The following TAF2 variants were observed in gnomAD, a reference collection of about 807,000 sequenced individuals.
TAF2 encodes transcription initiation factor TFIID subunit 2.
In TAF2, 61 loss-of-function variants were observed where a neutral mutation model predicts 138.5. The observed-to-expected ratio is 0.44, with a 90% CI of 0.36 to 0.54. The LOEUF (loss-of-function observed/expected upper bound fraction) is 0.54. Among genes scored for constraint, TAF2 ranks in the 20% least tolerant of loss-of-function variants. The pLI, the probability that TAF2 is intolerant of heterozygous loss-of-function variation, is 0.00. For synonymous variants in TAF2, 475 were observed against 469.9 expected (o/e 1.01, Z -0.14); for missense variants, 1,090 against 1,427.9 (o/e 0.76, Z 3.81).
intron 1 of TAF2, 46 bp downstream of exon 1, chr8:119,832,436 T>C (rs1826520804): frequency 1.4e-5 from 22 of 1,586,126 alleles, no homozygotes; most frequent in Non-Finnish European, 1.6e-5. Flanking sequence ...ATATAATTAA[T>C]GGCAACAAAA....
Position 119,797,089 on chromosome 8 carries a change from T to C in TAF2, c.992A>G (p.His331Arg). Reference protein sequence around the residue: ...SMSIFSTNLLHSAMIIDETPL... With the variant: ...SMSIFSTNLLRSAMIIDETPL... The stretch of plus-strand genomic sequence containing the variant: ...TGTCTCATCTATAATCATGGCACTG[T>C]GTAAAAGATTTGTGCTGGAATTTAA... Residue 331 changes from histidine (H) to arginine (R), a missense_variant, in exon 8 of 26, where the codon CAC becomes CGC. Physicochemically the swap from His to Arg is conservative, Grantham distance 29 (BLOSUM62 0). Around this residue, in one of 3 missense-constraint regions of TAF2, gnomAD observed 504 missense variants for 680.9 expected, o/e 0.74. Transcript: ENST00000378164. The C allele has an allele frequency of 3.7e-6, 6 of 1,612,136 alleles. No homozygotes were observed. Among genetic ancestry groups the C allele is most frequent in the Non-Finnish European group, 5.1e-6 (6 of 1,178,500 alleles).
chr8:119,756,202 T>C, intron 21 of TAF2, 87 bp from the exon 22 acceptor site: 1 of 862,642 alleles, frequency 1.2e-6, no homozygotes. Flanking sequence ...TGAAAAATTA[T>C]CTGTAGTTCC....
intron 2 of TAF2, among the ~76,000 whole-genome samples, chr8:119,830,549 A>G (rs1826380676): frequency 6.6e-6 from 1 of 152,232 alleles, no homozygotes. Context: ...TAAGGTACAT[A>G]ACCTAGGGAA....
chr8:119,820,947 A>T (rs1209225303), intron 2 of TAF2, among the ~76,000 whole-genome samples: 1 of 152,238 alleles, frequency 6.6e-6, no homozygotes, highest in African/African-American at 2.4e-5. Flanking sequence ...CTGTCATCCA[A>T]TGACCATTCT....
At chr8:119,746,981 A>C in intron 22 of TAF2, 47 bp from the exon 23 acceptor site, 1 of 1,582,570 alleles carries the variant, frequency 6.3e-7, no homozygotes, top group Non-Finnish European at 8.7e-7. Context: ...ACATTGATTC[A>C]TACATTTTAA....
At chr8:119,774,157 C>CGAGACTCCA (rs1822052417) in intron 18 of TAF2, among the ~76,000 whole-genome samples, 2 of 150,700 alleles carry the variant, frequency 1.3e-5, no homozygotes, top group African/African-American at 4.9e-5. Flanking sequence ...GGGGACAGAG[C>CGAGACTCCA]GAGACTCCAT....
At chr8:119,775,170 A>G (rs553888337) in intron 18 of TAF2, among the ~76,000 whole-genome samples, 133 of 151,064 alleles carry the variant, frequency 8.8e-4, no homozygotes, top group African/African-American at 3.2e-3. Flanking sequence ...AATCTCAGCT[A>G]CTCAGGAGGC....
intron 3 of TAF2, among the ~76,000 whole-genome samples, chr8:119,807,367 AT>A (rs1824731960): frequency 6.6e-6 from 1 of 152,210 alleles, no homozygotes; most frequent in Admixed American, 6.5e-5. Context: ...TGGTTTTTAA[AT>A]TGTACTCCAT....
chr8:119,781,705 T>A (rs1298897489), intron 16 of TAF2, among the ~76,000 whole-genome samples: 1 of 152,046 alleles, frequency 6.6e-6, no homozygotes, highest in Admixed American at 6.5e-5. Flanking sequence ...TTCCTCTTTT[T>A]TTTTTTTGGA....
chr8:119,756,377 G>C (rs531016560), intron 21 of TAF2, among the ~76,000 whole-genome samples: 1 of 152,096 alleles, frequency 6.6e-6, no homozygotes, highest in Admixed American at 6.5e-5. Flanking sequence ...TGGTGGATTT[G>C]GTCTTTCTAA....
intron 6 of TAF2, among the ~76,000 whole-genome samples, chr8:119,799,665 C>T (rs1824104670): frequency 6.6e-6 from 1 of 152,082 alleles, no homozygotes; most frequent in Non-Finnish European, 1.5e-5. Flanking sequence ...GGGTATATAC[C>T]CAGTAATGGG....
At chr8:119,789,871 C>G in intron 11 of TAF2, 125 bp from the exon 12 acceptor site, 1 of 972,134 alleles carries the variant, frequency 1.0e-6, no homozygotes, top group Non-Finnish European at 1.5e-6. Context: ...CTATTTATTA[C>G]ACAGATTATT....
At chr8:119,817,097 T>C (rs1442973211) in intron 3 of TAF2, among the ~76,000 whole-genome samples, 1 of 152,198 alleles carries the variant, frequency 6.6e-6, no homozygotes, top group Admixed American at 6.5e-5. Context: ...TAAGTGGCCA[T>C]GGCCAACAGA....
intron 10 of TAF2, among the ~76,000 whole-genome samples, chr8:119,793,148 C>CT (rs1823559160): frequency 6.6e-6 from 1 of 151,882 alleles, no homozygotes; most frequent in Non-Finnish European, 1.5e-5. Context: ...ACTTCAGATA[C>CT]TTTATAATCA....
intron 18 of TAF2, among the ~76,000 whole-genome samples, chr8:119,769,302 G>A (rs544560073): frequency 7.9e-5 from 12 of 152,116 alleles, no homozygotes; most frequent in Non-Finnish European, 1.6e-4. Flanking sequence ...CCCTCAAGGT[G>A]GGAGGAGAGG....
At chr8:119,777,224 G>C (rs1255051943) in intron 18 of TAF2, among the ~76,000 whole-genome samples, 1 of 152,028 alleles carries the variant, frequency 6.6e-6, no homozygotes, top group East Asian at 1.9e-4. Context: ...CAAAAAGGGG[G>C]TCCTGGAACC....
At chr8:119,757,212 T>C (rs140267614) in intron 21 of TAF2, among the ~76,000 whole-genome samples, 2 of 152,298 alleles carry the variant, frequency 1.3e-5, no homozygotes, top group African/African-American at 4.8e-5. Context: ...TCTAACATCC[T>C]CTTGTGCTTT....
chr8:119,759,539 T>C (rs1305295266), intron 20 of TAF2, among the ~76,000 whole-genome samples: 1 of 152,144 alleles, frequency 6.6e-6, no homozygotes, highest in Non-Finnish European at 1.5e-5. Context: ...AGATTATATT[T>C]CCATGTTTCT....
At chr8:119,802,118 T>C in intron 5 of TAF2, 93 bp from the exon 6 acceptor site, 1 of 1,113,054 alleles carries the variant, frequency 9.0e-7, no homozygotes, top group Non-Finnish European at 1.3e-6. Flanking sequence ...TTCTAGAAAA[T>C]GAACAAACAA....
Sources: gnomAD v4.1 joint callset for allele counts (sites outside exome capture counted in the v4.1 genomes callset) on GRCh38, gnomAD v4.1.1 for gene constraint, gnomAD v4.1.1 regional missense constraint, MANE v1.5 for transcripts, NCBI Gene and HGNC (gene_info 2026-07-23, HGNC 2026-07-21) for gene names.